MYLK3: variants seen among roughly 807,000 people sequenced by gnomAD.
The protein encoded by MYLK3 is myosin light chain kinase 3, also known as MLC kinase.
MYLK3 carries 55 observed loss-of-function variants against 76.3 expected under a neutral mutation model. The observed-to-expected ratio is 0.72, with a 90% CI of 0.58 to 0.90. The LOEUF (loss-of-function observed/expected upper bound fraction) is 0.90, where lower values mean the gene tolerates loss of function less well. Among genes scored for constraint, MYLK3 ranks in the 40% least tolerant of loss-of-function variants. The pLI, the probability that MYLK3 is intolerant of heterozygous loss-of-function variation, is 0.00. For synonymous variants in MYLK3, 416 were observed against 425.4 expected (o/e 0.98, Z 0.27); for missense variants, 973 against 1,053.6 (o/e 0.92, Z 1.06).
In MYLK3 at chr16:46,737,750, T is replaced by C; in HGVS notation, c.962A>G (p.Gln321Arg). ...QCPGPPGLPA[Q>R]ARATHSGGET... ...TCCACCACTGTGGGTTGCCCTGGCC[T>C]GGGCTGGCAGCCCTGGAGGCCCTGG... The change falls in exon 3 of 13, where the codon CAG becomes CGG. Residue 321 changes from glutamine to arginine, a missense_variant. Coordinates refer to ENST00000394809, the MANE Select transcript of MYLK3 (RefSeq NM_182493.3). The C allele has an allele frequency of 1.2e-6, 2 of 1,609,894 alleles. No homozygotes were observed. The highest frequency in any genetic ancestry group is 1.7e-6 in the Non-Finnish European group (2 of 1,178,584).
chr16:46,733,380 A>T, intron 3 of MYLK3, among the ~76,000 whole-genome samples: 1 of 152,266 alleles, frequency 6.6e-6, no homozygotes, highest in East Asian at 1.9e-4. Context: ...AAATAAAATC[A>T]GGCAATTCTC....
intron 3 of MYLK3, among the ~76,000 whole-genome samples, chr16:46,737,398 AC>A (rs1567288761): frequency 6.6e-6 from 1 of 152,234 alleles, no homozygotes; most frequent in African/African-American, 2.4e-5. Context: ...GTGATTCTCA[AC>A]CCTGTTCCCC....
At chr16:46,754,182 A>G (rs769319088) in intron 1 of MYLK3, among the ~76,000 whole-genome samples, 12 of 152,174 alleles carry the variant, frequency 7.9e-5, no homozygotes, top group Non-Finnish European at 7.4e-5. Flanking sequence ...CTAGCCTTAT[A>G]TCTAATTAAC....
intron 3 of MYLK3, 48 bp from the exon 4 acceptor site, chr16:46,732,716 G>A (rs1313462837): frequency 7.2e-7 from 1 of 1,397,894 alleles, no homozygotes. Context: ...AAGGACTCTG[G>A]AGTCAGAACA....
chr16:46,739,945 A>G, intron 2 of MYLK3, 112 bp downstream of exon 2: 1 of 748,076 alleles, frequency 1.3e-6, no homozygotes, highest in Non-Finnish European at 2.2e-6. Context: ...ACAAGAAAAA[A>G]AGAAGCTTTG....
intron 1 of MYLK3, among the ~76,000 whole-genome samples, chr16:46,744,740 C>A (rs1283143746): frequency 6.6e-6 from 1 of 152,048 alleles, no homozygotes; most frequent in Admixed American, 6.6e-5. Flanking sequence ...TGGCTCGTGC[C>A]TATAATCCCA....
chr16:46,754,788 A>C (rs36477), intron 1 of MYLK3, among the ~76,000 whole-genome samples: 150,160 of 152,324 alleles, frequency 0.99, 74,041 homozygotes, highest in East Asian at 1. Flanking sequence ...GAGAGGCTGG[A>C]TGTCAAAGTC....
At chr16:46,762,912 T>A in intron 1 of MYLK3, 1 of 656,392 alleles carries the variant, frequency 1.5e-6, no homozygotes, top group East Asian at 1.4e-4. Flanking sequence ...AACCAAGAGC[T>A]GCTCATTTTT....
intron 10 of MYLK3, 23 bp downstream of exon 10, chr16:46,712,625 G>A: frequency 7.0e-7 from 1 of 1,427,176 alleles, no homozygotes; most frequent in Non-Finnish European, 9.2e-7. Context: ...CCCCACTTCA[G>A]AGCCAGGGTG....
At chr16:46,730,746 C>T (rs142957920) in intron 4 of MYLK3, 48 bp from the exon 5 acceptor site, 1 of 1,557,690 alleles carries the variant, frequency 6.4e-7, no homozygotes, top group East Asian at 2.2e-5. Flanking sequence ...GTGCAGCCCA[C>T]ACCTCTCGGT....
At chr16:46,735,368 G>A (rs1966863661) in intron 3 of MYLK3, among the ~76,000 whole-genome samples, 1 of 152,118 alleles carries the variant, frequency 6.6e-6, no homozygotes, top group East Asian at 1.9e-4. Context: ...ACCATGCCCA[G>A]CTAATTTTTG....
At chr16:46,728,721 T>TA (rs1966846904) in intron 7 of MYLK3, among the ~76,000 whole-genome samples, 2 of 152,220 alleles carry the variant, frequency 1.3e-5, no homozygotes, top group African/African-American at 4.8e-5. Context: ...ACCTTGTCTC[T>TA]AAAAAAAGTT....
rs754846249 is a variant in MYLK3 at position 46,721,144 on chromosome 16, A to G, written c.1964T>C (p.Ile655Thr). Residue 655 changes from isoleucine to threonine, a missense_variant, in exon 9 of 13, where the codon ATT becomes ACT. Physicochemically the swap from Ile to Thr is moderately conservative, Grantham distance 89. This residue lies in a region of MYLK3 where 332 missense variants were observed against 416.6 expected (regional missense o/e 0.80). Transcript: ENST00000394809. Reference protein sequence around the residue: ...VNQTGHQIKIIDFGLARRYKP... With the variant: ...VNQTGHQIKITDFGLARRYKP... ...TTACCTTCTGGCCAGCCCAAAGTCA[A>G]TGATCTTAATTTGATGTCCTGTCTG... 6.2e-7 allele frequency: 1 copy of G among 1,614,184 alleles called. No individual in the cohort carries two copies. The highest frequency in any genetic ancestry group is 8.5e-7 in the Non-Finnish European group (1 of 1,180,026).
In MYLK3 at chr16:46,707,159, T is replaced by C. The variant is rs1479485816; in HGVS notation, c.*545A>G. ...TGATTTGGCTATGAGAGTTGACATA[T>C]TTTGACATTTCAAGTGATGCTGATT... On this transcript the variant is annotated 3_prime_UTR_variant, in exon 13 of 13. Coordinates refer to ENST00000394809, the MANE Select transcript of MYLK3 (RefSeq NM_182493.3). The C allele has an allele frequency of 2.6e-5, 4 of 152,252 alleles. No homozygotes were observed. Among genetic ancestry groups the C allele is most frequent in the Non-Finnish European group, 4.4e-5 (3 of 68,064 alleles). 9.4% of individuals were successfully genotyped at this position (152,252 alleles called of 1,614,324 possible).
At chr16:46,738,190 T>C (rs1245633119) in intron 2 of MYLK3, 47 bp from the exon 3 acceptor site, 3 of 1,428,632 alleles carry the variant, frequency 2.1e-6, no homozygotes, top group African/African-American at 2.8e-5. Context: ...TGTGGAGGAG[T>C]CTGCCACAAA....
chr16:46,751,039 G>A (rs917270088), upstream of MYLK3, among the ~76,000 whole-genome samples: 1 of 151,850 alleles, frequency 6.6e-6, no homozygotes, highest in African/African-American at 2.4e-5. Context: ...AATAAATAAA[G>A]CCAGAAAGAT....
intron 11 of MYLK3, 77 bp from the exon 12 acceptor site, chr16:46,709,748 GA>G (rs1966664228): frequency 3.3e-6 from 5 of 1,533,938 alleles, no homozygotes; most frequent in Non-Finnish European, 3.5e-6. Flanking sequence ...ACTTGAGTAG[GA>G]AGCCTGAGTC....
chr16:46,712,824 G>T, intron 9 of MYLK3, 48 bp from the exon 10 acceptor site: 1 of 1,490,522 alleles, frequency 6.7e-7, no homozygotes, highest in Non-Finnish European at 8.9e-7. Flanking sequence ...AGGCCTGGGA[G>T]ATGTGGTGCT....
chr16:46,738,251 G>T, intron 2 of MYLK3, 108 bp from the exon 3 acceptor site: 1 of 1,038,918 alleles, frequency 9.6e-7, no homozygotes, highest in Non-Finnish European at 1.3e-6. Flanking sequence ...GTTTATAATA[G>T]CCAAAGACTG....
Sources: allele counts gnomAD v4.1 joint callset (sites outside exome capture counted in the v4.1 genomes callset), GRCh38; gene constraint gnomAD v4.1.1; regional missense constraint gnomAD v4.1.1; transcripts MANE v1.5; gene names NCBI Gene and HGNC (gene_info 2026-07-23, HGNC 2026-07-21).